The following PCDHA1 variants were observed in gnomAD, a reference collection of about 807,000 sequenced individuals.
The protein encoded by PCDHA1 is protocadherin alpha 1, also known as protocadherin alpha-1.
Under a neutral mutation model 61.3 loss-of-function variants are expected in PCDHA1, and 42 were observed. The observed-to-expected ratio is 0.69, with a 90% CI of 0.54 to 0.89. PCDHA1 has a LOEUF of 0.89. PCDHA1 is among the 40% of genes least tolerant of loss of function. PCDHA1 has a pLI of 0.00. For synonymous variants in PCDHA1, 610 were observed against 553.8 expected (o/e 1.10, Z -1.43); for missense variants, 1,256 against 1,235.3 (o/e 1.02, Z -0.25).
chr5:140,928,043 C>G (rs1554205400), intron 1 of PCDHA1: 2 of 1,614,192 alleles, frequency 1.2e-6, no homozygotes, highest in Non-Finnish European at 1.7e-6. Context: ...AGTGCAGGCC[C>G]TTTTCAGCTG....
intron 1 of PCDHA1, among the ~76,000 whole-genome samples, chr5:140,954,085 C>G (rs1477637836): frequency 1.3e-5 from 2 of 152,142 alleles, no homozygotes; most frequent in African/African-American, 4.8e-5. Context: ...GCTTCCAGCT[C>G]CATCCATGTC....
chr5:140,967,192 C>T (rs2096111456), intron 1 of PCDHA1: 1 of 1,613,408 alleles, frequency 6.2e-7, no homozygotes, highest in South Asian at 1.1e-5. Context: ...TGGACATCAA[C>T]GACAACTCAC....
At chr5:140,862,318 A>G in intron 1 of PCDHA1, 1 of 317,904 alleles carries the variant, frequency 3.1e-6, no homozygotes, top group South Asian at 2.8e-5. Context: ...TCATAGCCCT[A>G]ATCAGTGTAA....
intron 3 of PCDHA1, among the ~76,000 whole-genome samples, chr5:140,985,169 C>G (rs1169892350): frequency 6.6e-6 from 1 of 152,122 alleles, no homozygotes; most frequent in Non-Finnish European, 1.5e-5. Flanking sequence ...AATCTCCTGA[C>G]CTCGTAATCC....
At chr5:140,986,583 T>C (rs1265983211) in intron 3 of PCDHA1, among the ~76,000 whole-genome samples, 1 of 152,170 alleles carries the variant, frequency 6.6e-6, no homozygotes, top group African/African-American at 2.4e-5. Flanking sequence ...TTTTTCCAGC[T>C]CCTCTTTCTA....
chr5:140,973,666 A>G (rs531003588), intron 1 of PCDHA1, among the ~76,000 whole-genome samples: 8 of 152,322 alleles, frequency 5.3e-5, no homozygotes, highest in African/African-American at 1.9e-4. Flanking sequence ...TATTTATTGT[A>G]GCTTGAATGT....
intron 2 of PCDHA1, among the ~76,000 whole-genome samples, chr5:140,981,175 T>C (rs1350828084): frequency 6.6e-6 from 1 of 152,238 alleles, no homozygotes; most frequent in African/African-American, 2.4e-5. Context: ...TTCCCTCTAA[T>C]AGTTCAAGTT....
intron 1 of PCDHA1, among the ~76,000 whole-genome samples, chr5:140,846,416 C>T (rs1275676707): frequency 1.5e-5 from 2 of 134,880 alleles, no homozygotes; most frequent in African/African-American, 5.4e-5. Context: ...GCTCTATCTC[C>T]CAGGCTGGAA....
intron 1 of PCDHA1, chr5:140,927,999 C>T: frequency 6.2e-7 from 1 of 1,614,174 alleles, no homozygotes; most frequent in Non-Finnish European, 8.5e-7. Flanking sequence ...ATGAAGACCT[C>T]GATTCTAATG....
At chr5:140,934,245 T>C (rs2089728870) in intron 1 of PCDHA1, among the ~76,000 whole-genome samples, 1 of 152,158 alleles carries the variant, frequency 6.6e-6, no homozygotes, top group Non-Finnish European at 1.5e-5. Context: ...ATTGTGGAGA[T>C]TTATCAAAAT....
chr5:140,824,167 T>A, intron 1 of PCDHA1: 1 of 1,610,732 alleles, frequency 6.2e-7, no homozygotes, highest in Non-Finnish European at 8.5e-7. Context: ...TCCCTCCCAA[T>A]TTTCAAATAT....
rs376867914 is a variant in PCDHA1 at position 140,880,239 on chromosome 5, TGC to T, written c.2394+91557_2394+91558del. Among the ~76,000 whole-genome samples the T allele has an allele frequency of 5.6e-3, 860 of 152,302 alleles. 5 individuals carry two copies. The highest frequency in any genetic ancestry group is 0.014 in the Middle Eastern group (4 of 294). On this transcript the variant is annotated intron_variant, in intron 1 of 3. Transcript: ENST00000504120. ...AGTAGAACATTTAAATTAGTGTATG[TGC>T]GTGTGTGTATGTATACATATTTTAG...
intron 1 of PCDHA1, chr5:140,871,015 G>A (rs1554164977): frequency 1.9e-6 from 3 of 1,613,126 alleles, no homozygotes; most frequent in East Asian, 2.2e-5. Flanking sequence ...TGCCCTGGAC[G>A]AGGCAGACTC....
intron 1 of PCDHA1, chr5:140,806,980 G>T: frequency 3.1e-6 from 2 of 635,126 alleles, no homozygotes; most frequent in Non-Finnish European, 5.4e-6. Context: ...CTTACGGTTT[G>T]GAGCCACATG....
At chr5:140,951,543 CG>C (rs1201907714) in intron 1 of PCDHA1, among the ~76,000 whole-genome samples, 2 of 151,550 alleles carry the variant, frequency 1.3e-5, no homozygotes, top group Admixed American at 1.3e-4. Flanking sequence ...GAGCAAGGGA[CG>C]GGGGGAAGTG....
chr5:140,967,676 G>A (rs1334899934), intron 1 of PCDHA1: 3 of 1,614,104 alleles, frequency 1.9e-6, no homozygotes, highest in African/African-American at 2.7e-5. Context: ...GTCGGACCGG[G>A]AGAGGCAGCT....
rs782079089 is a variant in PCDHA1, at chr5:141,009,663, C to T, written c.2579C>T (p.Ala860Val). 4 of 1,614,034 alleles carry T rather than the reference C, an allele frequency of 2.5e-6. No individual in the cohort carries two copies. Among genetic ancestry groups the T allele is most frequent in the East Asian group, 2.2e-5 (1 of 44,876 alleles). ...GGAGAAGTGTCCCCTCCAGTCGGTG[C>T]GGGTGTCAACAGCAACAGCTGGACC... Reference protein sequence around the residue: ...EAGEVSPPVGAGVNSNSWTFK... With the variant: ...EAGEVSPPVGVGVNSNSWTFK... Residue 860 changes from alanine to valine, a missense_variant, in exon 4 of 4, where the codon GCG (alanine) becomes GTG (valine). Transcript: ENST00000504120.
chr5:140,954,046 G>C (rs1554221229), intron 1 of PCDHA1, among the ~76,000 whole-genome samples: 1 of 152,124 alleles, frequency 6.6e-6, no homozygotes, highest in African/African-American at 2.4e-5. Context: ...TTGGTTTTCT[G>C]TTCCTGCATT....
intron 1 of PCDHA1, among the ~76,000 whole-genome samples, chr5:140,892,806 A>G (rs1262963314): frequency 2.6e-5 from 4 of 152,228 alleles, no homozygotes; most frequent in African/African-American, 7.2e-5. Flanking sequence ...ATAGTTAACC[A>G]TATTTATCCT....
Sources: allele counts gnomAD v4.1 joint callset (sites outside exome capture counted in the v4.1 genomes callset), GRCh38; gene constraint gnomAD v4.1.1; transcripts MANE v1.5; gene names NCBI Gene and HGNC (gene_info 2026-07-23, HGNC 2026-07-21).